The following SETD2 variants were observed in gnomAD, a reference collection of about 807,000 sequenced individuals.
SETD2 encodes the protein histone-lysine N-methyltransferase SETD2.
In SETD2, 31 loss-of-function variants were observed where a neutral mutation model predicts 242.1. The observed-to-expected ratio is 0.13, with a 90% confidence interval of 0.10 to 0.17. The LOEUF (loss-of-function observed/expected upper bound fraction) is 0.17, where lower values mean the gene tolerates loss of function less well. Among genes scored for constraint, SETD2 ranks in the 10% least tolerant of loss-of-function variants. The probability of loss-of-function intolerance (pLI) is 1.00; values close to 1 mark genes in which losing one functional copy is unlikely to be tolerated. For synonymous variants in SETD2, 1,006 were observed against 1,066.5 expected (o/e 0.94, Z 1.11); for missense variants, 2,481 against 3,046.3 (o/e 0.81, Z 4.37).
At chr3:47,041,614 AT>A (rs1264291279) in intron 17 of SETD2, among the ~76,000 whole-genome samples, 3 of 152,190 alleles carry the variant, frequency 2.0e-5, no homozygotes, top group Admixed American at 1.3e-4. Flanking sequence ...TTTACGTAAG[AT>A]TATATAGATG....
intron 2 of SETD2, among the ~76,000 whole-genome samples, chr3:47,125,253 A>G (rs1026449518): frequency 6.6e-6 from 1 of 152,074 alleles, no homozygotes; most frequent in African/African-American, 2.4e-5. Flanking sequence ...CCGGAGGCAG[A>G]GGTTGCAGTG....
chr3:47,124,446 T>C lies in SETD2; in HGVS notation c.190A>G (p.Asn64Asp). 7.1e-6 allele frequency: 11 copies of C among 1,551,934 alleles called. No individual in the cohort carries two copies. The highest frequency in any genetic ancestry group is 1.7e-4 in the Middle Eastern group (1 of 5,992). ...TTCTGTCGTCCCTGTTCTTCCAAAT[T>C]AACTTTTGTTTTGGTGCCTTTGGGC... is the stretch of plus-strand genomic sequence containing the variant. ...FLPKGTKTKV[N>D]LEEQGRQKVS... The change falls in exon 3 of 21, where the codon AAT becomes GAT. Residue 64 changes from asparagine (N) to aspartate (D), a missense_variant. Coordinates refer to ENST00000409792, the MANE Select transcript of SETD2 (RefSeq NM_014159.7).
chr3:47,097,635 CAA>C (rs1442942641), intron 9 of SETD2, among the ~76,000 whole-genome samples: 6 of 152,112 alleles, frequency 3.9e-5, no homozygotes, highest in Admixed American at 6.6e-5. Flanking sequence ...AAACCAATAA[CAA>C]GAGATTAGAA....
intron 5 of SETD2, among the ~76,000 whole-genome samples, chr3:47,112,973 T>C (rs1166069802): frequency 2.0e-5 from 3 of 152,250 alleles, no homozygotes; most frequent in African/African-American, 7.2e-5. Context: ...AGTGAACCTT[T>C]TGCTGTATTA....
At chr3:47,039,776 G>A (rs1309164575) in intron 17 of SETD2, among the ~76,000 whole-genome samples, 3 of 146,662 alleles carry the variant, frequency 2.0e-5, no homozygotes, top group African/African-American at 5.0e-5. Flanking sequence ...TGCTAGTCAG[G>A]AAGCTGAGAG....
chr3:47,118,460 G>A (rs1040587914), intron 3 of SETD2, among the ~76,000 whole-genome samples: 1 of 151,930 alleles, frequency 6.6e-6, no homozygotes, highest in African/African-American at 2.4e-5. Context: ...GGTAGCTCAC[G>A]CCTGTAATCC....
intron 9 of SETD2, among the ~76,000 whole-genome samples, chr3:47,097,389 C>T (rs779065128): frequency 5.3e-5 from 8 of 152,094 alleles, no homozygotes; most frequent in Non-Finnish European, 1.2e-4. Context: ...AATTGATAGT[C>T]CCTTTAGTAA....
chr3:47,063,028 A>ACC, intron 13 of SETD2, among the ~76,000 whole-genome samples: 2 of 152,028 alleles, frequency 1.3e-5, no homozygotes, highest in African/African-American at 4.8e-5. Flanking sequence ...GGTTCCAGGA[A>ACC]CCCCCTTCTC....
rs2106812456 is a variant in SETD2, at chr3:47,147,391, T to G, written c.71+16463A>C. Among the ~76,000 whole-genome samples the G allele has an allele frequency of 2.0e-5, 3 of 150,254 alleles. 1 individual carries two copies. The South Asian group carries it at 6.4e-4, about 32-fold the overall frequency. ...AGGATGGAGTGCAGTGACGTGATCT[T>G]GGCTCACTACAACCTCTGCCTCCTC... On this transcript the variant is annotated intron_variant, in intron 1 of 20. Transcript: ENST00000409792.
intron 12 of SETD2, among the ~76,000 whole-genome samples, chr3:47,072,007 C>G (rs973169632): frequency 6.6e-6 from 1 of 152,250 alleles, no homozygotes; most frequent in South Asian, 2.1e-4. Flanking sequence ...CTAAACAACA[C>G]TTATAAGAAC....
At chr3:47,036,175 C>T (rs1404566062) in intron 18 of SETD2, among the ~76,000 whole-genome samples, 1 of 152,178 alleles carries the variant, frequency 6.6e-6, no homozygotes, top group African/African-American at 2.4e-5. Context: ...AATAATTTAA[C>T]CACTGAAGTA....
chr3:47,044,344 CAAAAAAAAAAAAAAAAAAAAAAAAAA>C lies in SETD2; in HGVS notation c.7099-1670_7099-1645del, dbSNP rs59408277. Among the ~76,000 whole-genome samples the C allele has an allele frequency of 7.1e-4, 24 of 33,916 alleles. 1 individual carries two copies. Among genetic ancestry groups the C allele is most frequent in the East Asian group, 1.3e-3 (1 of 762 alleles). The allele number at this position is 33,916 out of a possible 152,430, so 22.3% of individuals were successfully genotyped here. ...TGGGCAACAAAGCAAGACTTCATCTCAAAAAAAAAAAAAAAAAAAAAAAAAAAAAAAAAAAAAAAAAAGGCCTAGAA... is the reference window on the plus strand; with the variant it reads ...TGGGCAACAAAGCAAGACTTCATCTCAAAAAAAAAAAAAAAAGGCCTAGAA... On this transcript the variant is annotated intron_variant, in intron 16 of 20. Transcript: ENST00000409792.
At position 47,037,687 on chromosome 3, in the gene SETD2, T is replaced by C. The variant is rs762727320; in HGVS notation, c.7329A>G (p.Thr2443=). Residue 2443 remains threonine, a synonymous_variant, in exon 18 of 21, where the codon ACA becomes ACG. Coordinates refer to ENST00000409792, the MANE Select transcript of SETD2 (RefSeq NM_014159.7). ...HEAEMDLGTP[T]YDENPMKASK... is the part of the protein sequence containing the mutation. ...TCACCTTCATGGGGTTTTCATCATA[T>C]GTTGGAGTTCCCAGGTCCATCTCAG... The C allele has an allele frequency of 1.9e-6, 3 of 1,613,484 alleles. No homozygotes were observed. In the African/African-American group the frequency reaches 4.0e-5, roughly 22 times the overall value.
At chr3:47,117,014 ATTGTTG>A (rs1010985831) in intron 3 of SETD2, among the ~76,000 whole-genome samples, 2 of 151,524 alleles carry the variant, frequency 1.3e-5, no homozygotes, top group African/African-American at 4.9e-5. Flanking sequence ...GGTTTTTGTT[ATTGTTG>A]TTGTTTGTTT....
intron 18 of SETD2, 146 bp downstream of exon 18, chr3:47,037,520 C>T (rs765884810): frequency 3.3e-6 from 2 of 600,388 alleles, no homozygotes; most frequent in Non-Finnish European, 6.0e-6. Context: ...GCCATTCTTT[C>T]TCCCTGACTT....
intron 15 of SETD2, among the ~76,000 whole-genome samples, chr3:47,051,997 G>A (rs926375833): frequency 1.3e-5 from 2 of 152,132 alleles, no homozygotes; most frequent in African/African-American, 2.4e-5. Flanking sequence ...AACAACAGCA[G>A]TATCTACTTA....
intron 1 of SETD2, among the ~76,000 whole-genome samples, chr3:47,148,191 C>T (rs530555323): frequency 3.0e-4 from 46 of 152,024 alleles, no homozygotes; most frequent in African/African-American, 1.0e-3. Context: ...ATTGCAGTGG[C>T]GCGATCTCAG....
At chr3:47,050,275 CAACATAAAAA>C (rs561700029) in intron 15 of SETD2, among the ~76,000 whole-genome samples, 1 of 151,830 alleles carries the variant, frequency 6.6e-6, no homozygotes, top group East Asian at 1.9e-4. Context: ...TATTATGTAT[CAACATAAAAA>C]AACAAAAACT....
chr3:47,100,246 G>T (rs1049645741), intron 8 of SETD2, among the ~76,000 whole-genome samples: 2 of 149,782 alleles, frequency 1.3e-5, no homozygotes, highest in Non-Finnish European at 3.0e-5. Flanking sequence ...AGCCTCCCAG[G>T]CGTAGTTTTT....
Sources: gnomAD v4.1 joint callset for allele counts (sites outside exome capture counted in the v4.1 genomes callset) on GRCh38, gnomAD v4.1.1 for gene constraint, MANE v1.5 for transcripts, NCBI Gene and HGNC (gene_info 2026-07-23, HGNC 2026-07-21) for gene names.